Variants in GAREM1 observed in about 807,000 individuals in gnomAD.
GAREM1 encodes the protein GRB2-associated and regulator of MAPK protein 1.
In GAREM1, 26 loss-of-function variants were observed where a neutral mutation model predicts 71.3. The observed-to-expected ratio is 0.36, with a 90% CI of 0.27 to 0.51. The LOEUF is 0.51. Among genes scored for constraint, GAREM1 ranks in the 20% least tolerant of loss-of-function variants. The pLI is 0.95. For missense variants in GAREM1, 1,026 were observed against 1,103.1 expected, an observed-to-expected ratio of 0.93 and a Z score of 0.99; for synonymous variants, 440 against 433.2, an observed-to-expected ratio of 1.02 and a Z score of -0.20.
At chr18:32,460,053 G>T (rs1228585111) in intron 1 of GAREM1, among the ~76,000 whole-genome samples, 1 of 150,134 alleles carries the variant, frequency 6.7e-6, no homozygotes, top group Non-Finnish European at 1.5e-5. Flanking sequence ...TCCCTGCTAG[G>T]AAGGCAAATT....
At chr18:32,453,793 T>C (rs1467900769) in intron 1 of GAREM1, among the ~76,000 whole-genome samples, 2 of 152,158 alleles carry the variant, frequency 1.3e-5, no homozygotes, top group Admixed American at 1.3e-4. Context: ...AACTACACTA[T>C]GTGTGCACAT....
chr18:32,397,095 C>A (rs964320958), intron 1 of GAREM1, among the ~76,000 whole-genome samples: 3 of 152,136 alleles, frequency 2.0e-5, no homozygotes, highest in Non-Finnish European at 4.4e-5. Context: ...TACAGACAAG[C>A]AAATGCTGAG....
At position 32,287,211 on chromosome 18, in the gene GAREM1, C is replaced by T. The variant is rs201550947; in HGVS notation, c.1386G>A (p.Lys462=). The change falls in exon 4 of 6, where the codon AAG becomes AAA. Residue 462 remains lysine, a synonymous_variant. Transcript: ENST00000269209. The surrounding 1 kb of genome is among the most constrained non-coding windows in gnomAD (Gnocchi z 5.9). ...PYEELWLEEG[K]PSHQPLTRSL... Reference sequence around the variant, plus strand: ...AGCGAGTGAGAGGCTGATGGCTGGGCTTGCCTTCCTCCAGCCACAGCTCTT... The same window carrying T: ...AGCGAGTGAGAGGCTGATGGCTGGGTTTGCCTTCCTCCAGCCACAGCTCTT... 2 of 1,614,238 alleles carry T rather than the reference C, an allele frequency of 1.2e-6. No homozygotes were observed. Among genetic ancestry groups the T allele is most frequent in the Middle Eastern group, 1.6e-4 (1 of 6,062 alleles).
chr18:32,293,024 G>A (rs73956862), intron 3 of GAREM1, among the ~76,000 whole-genome samples: 260 of 152,168 alleles, frequency 1.7e-3, no homozygotes, highest in African/African-American at 5.4e-3. Flanking sequence ...ACAGAAATAC[G>A]GAATGAAGAA....
intron 1 of GAREM1, among the ~76,000 whole-genome samples, chr18:32,415,545 C>T (rs976191691): frequency 6.6e-6 from 1 of 151,950 alleles, no homozygotes; most frequent in Non-Finnish European, 1.5e-5. Flanking sequence ...GGGATTTATC[C>T]CAGGGATGCA....
At chr18:32,445,443 A>C (rs977406939) in intron 1 of GAREM1, among the ~76,000 whole-genome samples, 2 of 152,154 alleles carry the variant, frequency 1.3e-5, no homozygotes, top group Non-Finnish European at 2.9e-5. Flanking sequence ...GCTTACCAGC[A>C]GTCTGCTCTT....
At chr18:32,403,048 G>A (rs2048331243) in intron 1 of GAREM1, among the ~76,000 whole-genome samples, 1 of 152,070 alleles carries the variant, frequency 6.6e-6, no homozygotes, top group African/African-American at 2.4e-5. Flanking sequence ...CTCCTGAGTA[G>A]CTGGGATTAC....
intron 4 of GAREM1, among the ~76,000 whole-genome samples, chr18:32,285,057 T>C (rs2046999175): frequency 6.6e-6 from 1 of 152,110 alleles, no homozygotes; most frequent in Non-Finnish European, 1.5e-5. Flanking sequence ...CCCGCCCCCT[T>C]ACTTTTTACC....
At position 32,287,081 on chromosome 18, in the gene GAREM1, A is replaced by C; in HGVS notation, c.1516T>G (p.Ser506Ala). Residue 506 changes from serine to alanine, a missense_variant, in exon 4 of 6, where the codon TCT (serine) becomes GCT (alanine). Around this residue, in one of 3 missense-constraint regions of GAREM1, gnomAD observed 636 missense variants for 631.2 expected, o/e 1.01. Coordinates refer to ENST00000269209, the MANE Select transcript of GAREM1 (RefSeq NM_001242409.2). This position sits in a 1 kb window ranked among gnomAD's most constrained non-coding sequence, Gnocchi z 5.9. Reference protein sequence around the residue: ...IPGTLGAAVKSSDTALPPPPV... With the variant: ...IPGTLGAAVKASDTALPPPPV... Reference sequence around the variant, plus strand: ...GGTGGAGGTAGGGCAGTATCTGAAGACTTCACTGCTGCTCCCAGAGTCCCA... The same window carrying C: ...GGTGGAGGTAGGGCAGTATCTGAAGCCTTCACTGCTGCTCCCAGAGTCCCA... 6.2e-7 allele frequency: 1 copy of C among 1,614,188 alleles called. No homozygotes were observed. Among genetic ancestry groups the C allele is most frequent in the Non-Finnish European group, 8.5e-7 (1 of 1,180,020 alleles).
intron 2 of GAREM1, among the ~76,000 whole-genome samples, chr18:32,377,437 C>T (rs2048041484): frequency 1.3e-5 from 2 of 152,182 alleles, no homozygotes; most frequent in Admixed American, 6.5e-5. Context: ...ACCCAGCTGC[C>T]AAACGTGAAG....
intron 1 of GAREM1, among the ~76,000 whole-genome samples, chr18:32,424,882 C>A (rs2048559066): frequency 6.6e-6 from 1 of 152,110 alleles, no homozygotes; most frequent in South Asian, 2.1e-4. Context: ...ACAGAACAGT[C>A]CCTTGTTCTG....
At chr18:32,299,850 C>T (rs1469806401) in intron 3 of GAREM1, among the ~76,000 whole-genome samples, 1 of 152,028 alleles carries the variant, frequency 6.6e-6, no homozygotes, top group Non-Finnish European at 1.5e-5. Flanking sequence ...GAAAAAGACA[C>T]AAGAAGCAAA....
chr18:32,422,671 TTTA>T (rs1322957317), intron 1 of GAREM1, among the ~76,000 whole-genome samples: 1 of 152,166 alleles, frequency 6.6e-6, no homozygotes, highest in Non-Finnish European at 1.5e-5. Context: ...AAAAAGGGAT[TTTA>T]TTACTACACT....
intron 1 of GAREM1, 53 bp from the exon 2 acceptor site, chr18:32,393,088 C>T: frequency 3.2e-6 from 5 of 1,541,864 alleles, no homozygotes; most frequent in Middle Eastern, 1.8e-4. Flanking sequence ...CTGCTTTCTC[C>T]ATACTTTGCA....
intron 3 of GAREM1, among the ~76,000 whole-genome samples, chr18:32,308,789 T>TA (rs1410356721): frequency 6.6e-6 from 1 of 150,416 alleles, no homozygotes; most frequent in Non-Finnish European, 1.5e-5. Flanking sequence ...TTACAAAATA[T>TA]AAAATATCAC....
chr18:32,444,902 C>T (rs985421406), intron 1 of GAREM1, among the ~76,000 whole-genome samples: 3 of 152,034 alleles, frequency 2.0e-5, no homozygotes, highest in African/African-American at 7.2e-5. Flanking sequence ...TAAAGCAGGC[C>T]CTCTTCATCT....
intron 2 of GAREM1, among the ~76,000 whole-genome samples, chr18:32,350,133 G>A (rs1308854586): frequency 6.6e-6 from 1 of 152,158 alleles, no homozygotes; most frequent in Non-Finnish European, 1.5e-5. Context: ...GAAGAAATGG[G>A]AAGAAGAGAA....
At chr18:32,273,918 G>T (rs1356965322) in intron 4 of GAREM1, among the ~76,000 whole-genome samples, 2 of 152,138 alleles carry the variant, frequency 1.3e-5, no homozygotes, top group African/African-American at 4.8e-5. Context: ...AGAGAAAGGT[G>T]TTTTGTTGTT....
In GAREM1 at chr18:32,270,403, T is replaced by C; in HGVS notation, c.1567-20A>G. 1 of 1,594,458 alleles carries C rather than the reference T, an allele frequency of 6.3e-7. No homozygotes were observed. The highest frequency in any genetic ancestry group is 8.5e-7 in the Non-Finnish European group (1 of 1,170,330). ...TCTGACCTGGCGCAGAAAAGAACACTCCAGGTTAGCAACAGACTGACAATG... is the reference window on the plus strand; with the variant it reads ...TCTGACCTGGCGCAGAAAAGAACACCCCAGGTTAGCAACAGACTGACAATG... On this transcript the variant is annotated intron_variant, in intron 4 of 5. Transcript: ENST00000269209.
Sources: allele counts gnomAD v4.1 joint callset (sites outside exome capture counted in the v4.1 genomes callset), GRCh38; gene constraint gnomAD v4.1.1; regional missense constraint gnomAD v4.1.1; non-coding constraint Gnocchi (gnomAD v3.1); transcripts MANE v1.5; gene names NCBI Gene and HGNC (gene_info 2026-07-23, HGNC 2026-07-21).